PXDN: variants seen among roughly 807,000 people sequenced by gnomAD.
The protein encoded by PXDN is peroxidasin, also known as peroxidasin homolog.
A neutral mutation model predicts 140.3 loss-of-function variants in PXDN; 77 were observed. The ratio of observed to expected loss-of-function variants is 0.55; its 90% CI spans 0.46 to 0.66. PXDN has a LOEUF of 0.66. Ranked by LOEUF, PXDN falls within the 30% of genes least tolerant of loss-of-function variation. The pLI, the probability that PXDN is intolerant of heterozygous loss-of-function variation, is 0.00. For synonymous variants in PXDN, 911 were observed against 857.4 expected, an observed-to-expected ratio of 1.06 and a Z score of -1.09; for missense variants, 1,838 against 2,039.5, an observed-to-expected ratio of 0.90 and a Z score of 1.90.
intron 9 of PXDN, among the ~76,000 whole-genome samples, chr2:1,671,417 A>T (rs574885101): frequency 7.3e-4 from 111 of 151,832 alleles, no homozygotes; most frequent in African/African-American, 2.5e-3. Context: ...TTTTTTTTTT[A>T]AATTTCTAGC....
chr2:1,662,382 C>T (rs1425598817), intron 12 of PXDN, among the ~76,000 whole-genome samples, 198 bp from the exon 13 acceptor site: 4 of 152,304 alleles, frequency 2.6e-5, no homozygotes, highest in East Asian at 1.9e-4. Flanking sequence ...AGGGAAGATC[C>T]GCCCGCCTCC....
Position 1,722,796 on chromosome 2 carries a change from G to A in PXDN, c.200+21460C>T, listed in dbSNP as rs562908868. On this transcript the variant is annotated intron_variant, in intron 1 of 22. Transcript: ENST00000252804. Reference sequence around the variant, plus strand: ...GCAGGGACAGGGCTGTGGCTCCAGGGGCACAGTGTTGCAGGGCACGGTGTG... The same window carrying A: ...GCAGGGACAGGGCTGTGGCTCCAGGAGCACAGTGTTGCAGGGCACGGTGTG... Among the ~76,000 whole-genome samples, 249 of 152,330 alleles carry A rather than the reference G, an allele frequency of 1.6e-3. 1 individual carries two copies. Among genetic ancestry groups the A allele is most frequent in the African/African-American group, 5.7e-3 (238 of 41,576 alleles).
At chr2:1,731,179 C>CAA (rs60396503) in intron 1 of PXDN, among the ~76,000 whole-genome samples, 5,307 of 149,082 alleles carry the variant, frequency 0.036, 276 homozygotes, top group East Asian at 0.25. Flanking sequence ...CACACACACA[C>CAA]ATGAACTAGT....
intron 1 of PXDN, among the ~76,000 whole-genome samples, chr2:1,718,195 T>A (rs1235722913): frequency 6.6e-6 from 1 of 150,710 alleles, no homozygotes; most frequent in Non-Finnish European, 1.5e-5. Flanking sequence ...CCTACTCTAC[T>A]CACCTATTCC....
In PXDN at chr2:1,660,757, A is replaced by G. The variant is rs940748394; in HGVS notation, c.1837+124T>C. 48 of 1,278,766 alleles carry G rather than the reference A, an allele frequency of 3.8e-5. No homozygotes were observed. In the South Asian group the frequency reaches 7.7e-4, roughly 20 times the overall value. The allele number at this position is 1,278,766 out of a possible 1,614,324, so 79.2% of individuals were successfully genotyped here. On this transcript the variant is annotated intron_variant, in intron 14 of 22. Transcript: ENST00000252804. The surrounding 1 kb of genome is among the most constrained non-coding windows in gnomAD (Gnocchi z 4.6). ...AGGAGAGTGTCCCCACCTGGGAATC[A>G]AGGGTGCTTTGTCTTCTGAATAATT...
chr2:1,668,919 T>C (rs1188403105), intron 9 of PXDN, among the ~76,000 whole-genome samples: 1 of 152,164 alleles, frequency 6.6e-6, no homozygotes, highest in Non-Finnish European at 1.5e-5. Flanking sequence ...GAACCAGAAA[T>C]ATAATTTGAC....
In PXDN at chr2:1,644,893, C is replaced by A. The variant is rs1682816428; in HGVS notation, c.3609-141G>T. 9 of 1,021,540 alleles carry A rather than the reference C, an allele frequency of 8.8e-6. No homozygotes were observed. In the South Asian group the frequency reaches 3.2e-4, roughly 36 times the overall value. The allele number at this position is 1,021,540 out of a possible 1,614,324, so 63.3% of individuals were successfully genotyped here. A position where few individuals can be genotyped will look rare whatever the true frequency, so the allele number is the denominator to read the frequency against. ...TACTTAACAAAGAAAATATTTACTT[C>A]TTTGCTGCATCTCTCCACAATGCTT... is the stretch of plus-strand genomic sequence containing the variant. On this transcript the variant is annotated intron_variant, in intron 17 of 22. Transcript: ENST00000252804.
Position 1,649,529 on chromosome 2 carries a change from G to A in PXDN, c.2251C>T (p.Leu751=). 1 of 1,614,030 alleles carries A rather than the reference G, an allele frequency of 6.2e-7. No individual in the cohort carries two copies. Among genetic ancestry groups the A allele is most frequent in the Non-Finnish European group, 8.5e-7 (1 of 1,179,890 alleles). Residue 751 remains leucine (L), a synonymous_variant, in exon 17 of 23, where the codon CTG becomes TTG. Transcript: ENST00000252804. This position sits in a 1 kb window ranked among gnomAD's most constrained non-coding sequence, Gnocchi z 7.1. The stretch of plus-strand genomic sequence containing the variant: ...GAGGCGCCCCACATGGGGTGCTGCA[G>A]GTTGTTACAGGTGCCGTCGTGCGTC... ...YRTHDGTCNN[L]QHPMWGASLT...
In PXDN at chr2:1,736,569, C is replaced by T. The variant is rs568086258; in HGVS notation, c.200+7687G>A. 4.6e-5 allele frequency among the ~76,000 whole-genome samples: 7 copies of T among 152,178 alleles called. No homozygotes were observed. In the East Asian group the frequency reaches 1.2e-3, roughly 25 times the overall value. ...GCCACATGGCTCACAGCTGTAATCC[C>T]AGGGCTTCAAGAGGCCAAGGTGGGA... is the stretch of plus-strand genomic sequence containing the variant. On this transcript the variant is annotated intron_variant, in intron 1 of 22. Transcript: ENST00000252804.
At chr2:1,680,145 G>GTGGATGGTGTGTGTA in intron 7 of PXDN, 48 bp downstream of exon 7, 1 of 1,503,084 alleles carries the variant, frequency 6.7e-7, no homozygotes, top group Non-Finnish European at 8.9e-7. Flanking sequence ...TGGTGTGTGT[G>GTGGATGGTGTGTGTA]TAGATGGTGT....
At position 1,635,469 on chromosome 2, in the gene PXDN, C is replaced by A; in HGVS notation, c.4259G>T (p.Gly1420Val). The A allele has an allele frequency of 6.2e-7, 1 of 1,601,894 alleles. No homozygotes were observed. Among genetic ancestry groups the A allele is most frequent in the Non-Finnish European group, 8.5e-7 (1 of 1,173,696 alleles). Residue 1420 changes from glycine (G) to valine (V), a missense_variant, in exon 22 of 23, where the codon GGC becomes GTC. Transcript: ENST00000252804. The part of the protein sequence containing the change: ...LSTTECVDAG[G>V]ESHANNTKWK... ...CTTGGTGTTGTTGGCGTGAGATTCG[C>A]CCCCGGCATCCACGCACTCTGTGGT... is the stretch of plus-strand genomic sequence containing the variant.
rs189609901 is a variant in PXDN at position 1,715,051 on chromosome 2, A to T, written c.201-21917T>A. Among the ~76,000 whole-genome samples the T allele has an allele frequency of 8.1e-4, 123 of 152,000 alleles. 1 individual carries two copies. Among genetic ancestry groups the T allele is most frequent in the African/African-American group, 2.9e-3 (120 of 41,426 alleles). On this transcript the variant is annotated intron_variant, in intron 1 of 22. Transcript: ENST00000252804. The stretch of plus-strand genomic sequence containing the variant: ...AATACAAATCTGTTTGTTCATGCAT[A>T]TACAGTTTACTCTTTGGGAAAAATA...
intron 4 of PXDN, among the ~76,000 whole-genome samples, chr2:1,686,393 A>G (rs1325142823): frequency 6.6e-6 from 1 of 151,180 alleles, no homozygotes; most frequent in Admixed American, 6.6e-5. Flanking sequence ...GGTGATTCAC[A>G]GATGCCCTTC....
chr2:1,705,622 G>A (rs1684581282), intron 1 of PXDN, among the ~76,000 whole-genome samples: 1 of 149,700 alleles, frequency 6.7e-6, no homozygotes. Context: ...CACGACCTGG[G>A]ACGCAGGGTG....
chr2:1,652,450 C>T (rs998343004), intron 16 of PXDN, among the ~76,000 whole-genome samples: 2 of 151,454 alleles, frequency 1.3e-5, no homozygotes, highest in Non-Finnish European at 1.5e-5. Flanking sequence ...CAGAAAGTGC[C>T]CAATAAATAC....
intron 1 of PXDN, among the ~76,000 whole-genome samples, chr2:1,738,648 A>G (rs1253908781): frequency 1.3e-5 from 2 of 151,782 alleles, no homozygotes; most frequent in East Asian, 3.9e-4. Flanking sequence ...TCCCAGGCTC[A>G]AGCGATTCTC....
intron 1 of PXDN, among the ~76,000 whole-genome samples, chr2:1,743,407 A>AC (rs1402599527): frequency 6.6e-6 from 1 of 151,946 alleles, no homozygotes; most frequent in African/African-American, 2.4e-5. Context: ...CCTCTCGGGA[A>AC]CCCCGGCCGC....
rs1188964088 is a variant in PXDN at position 1,729,026 on chromosome 2, G to A, written c.200+15230C>T. On this transcript the variant is annotated intron_variant, in intron 1 of 22. Transcript: ENST00000252804. ...CTGGCTGCTCTGTGAGCTCCTCCCA[G>A]TGCGGGGCCCGGTGTGACTATGGGT... is the stretch of plus-strand genomic sequence containing the variant. Among the ~76,000 whole-genome samples the A allele has an allele frequency of 7.2e-5, 9 of 125,792 alleles. 1 individual carries two copies. Among genetic ancestry groups the A allele is most frequent in the East Asian group, 5.8e-4 (3 of 5,140 alleles). 82.5% of individuals were successfully genotyped at this position (125,792 alleles called of 152,430 possible).
At chr2:1,738,643 G>A (rs1194372326) in intron 1 of PXDN, among the ~76,000 whole-genome samples, 1 of 151,680 alleles carries the variant, frequency 6.6e-6, no homozygotes, top group South Asian at 2.1e-4. Flanking sequence ...CCGCCTCCCA[G>A]GCTCAAGCGA....
Sources: allele counts gnomAD v4.1 joint callset (sites outside exome capture counted in the v4.1 genomes callset), GRCh38; gene constraint gnomAD v4.1.1; non-coding constraint Gnocchi (gnomAD v3.1); transcripts MANE v1.5; gene names NCBI Gene and HGNC (gene_info 2026-07-23, HGNC 2026-07-21).